TCF20: variants seen among roughly 807,000 people sequenced by gnomAD.
TCF20 encodes transcription factor 20.
A neutral mutation model predicts 148.6 loss-of-function variants in TCF20; 3 were observed. The observed-to-expected ratio is 0.02, with a 90% confidence interval of 0.01 to 0.05. TCF20 has a LOEUF of 0.05. TCF20 is among the 10% of genes least tolerant of loss of function. The pLI, the probability that TCF20 is intolerant of heterozygous loss-of-function variation, is 1.00. For missense variants in TCF20, 2,350 were observed against 2,429.3 expected, an observed-to-expected ratio of 0.97 and a Z score of 0.69; for synonymous variants, 1,049 against 909.5, an observed-to-expected ratio of 1.15 and a Z score of -2.76.
At position 42,209,601 on chromosome 22, in the gene TCF20, A is replaced by G. The variant is rs367731202; in HGVS notation, c.5655+50T>C. On this transcript the variant is annotated intron_variant, in intron 2 of 5. Coordinates refer to ENST00000677622, the MANE Select transcript of TCF20 (RefSeq NM_001378418.1). ...AAGAACAAAAACATGCAAGAAAAGG[A>G]ACCAAATGAAATAAAAATCCCAAGC... The G allele has an allele frequency of 9.1e-6, 14 of 1,532,540 alleles. No individual in the cohort carries two copies. In the African/African-American group the frequency reaches 1.8e-4, roughly 20 times the overall value. 94.9% of individuals were successfully genotyped at this position (1,532,540 alleles called of 1,614,324 possible).
At chr22:42,215,728 C>G (rs1921700364) in intron 1 of TCF20, among the ~76,000 whole-genome samples, 1 of 152,124 alleles carries the variant, frequency 6.6e-6, no homozygotes, top group Non-Finnish European at 1.5e-5. Context: ...ACCTCGGCCT[C>G]CCAAAGTGCT....
chr22:42,320,867 G>A (rs1288287942), intron 1 of TCF20, among the ~76,000 whole-genome samples: 1 of 152,186 alleles, frequency 6.6e-6, no homozygotes, highest in Non-Finnish European at 1.5e-5. Context: ...CCTCTCATGA[G>A]GGACCCACCA....
intron 1 of TCF20, among the ~76,000 whole-genome samples, chr22:42,234,217 AG>A (rs1056408241): frequency 2.6e-5 from 4 of 152,232 alleles, no homozygotes; most frequent in Admixed American, 2.0e-4. Flanking sequence ...AAAATATAGG[AG>A]GGGACAAACA....
At chr22:42,248,152 G>C (rs1331008633) in intron 1 of TCF20, among the ~76,000 whole-genome samples, 1 of 152,240 alleles carries the variant, frequency 6.6e-6, no homozygotes, top group African/African-American at 2.4e-5. Context: ...GGAGAACAGG[G>C]CTGAGGGAGA....
intron 1 of TCF20, among the ~76,000 whole-genome samples, chr22:42,327,869 C>T (rs922218241): frequency 2.6e-5 from 4 of 151,440 alleles, no homozygotes; most frequent in African/African-American, 9.7e-5. Flanking sequence ...GGTTGCCTTC[C>T]CCGGCCTCAA....
At chr22:42,335,717 G>C (rs1356528772) in intron 1 of TCF20, among the ~76,000 whole-genome samples, 1 of 152,172 alleles carries the variant, frequency 6.6e-6, no homozygotes, top group South Asian at 2.1e-4. Context: ...GGACCTCTAA[G>C]TGCAGCTTCT....
chr22:42,161,324 G>A lies in TCF20; in HGVS notation c.*79C>T, dbSNP rs1038410329. The A allele has an allele frequency of 5.6e-6, 9 of 1,613,806 alleles. No individual in the cohort carries two copies. The African/African-American group carries it at 9.3e-5, about 17-fold the overall frequency. ...GGTAGGACGATTTCCATTCCATCAC[G>A]AGTGTCCACCACCTTCTCATCTCCA... On this transcript the variant is annotated 3_prime_UTR_variant, in exon 6 of 6. Transcript: ENST00000677622.
intron 2 of TCF20, among the ~76,000 whole-genome samples, chr22:42,185,602 A>G (rs983331118): frequency 6.6e-6 from 1 of 152,134 alleles, no homozygotes; most frequent in Non-Finnish European, 1.5e-5. Context: ...AATGCCAACT[A>G]CGTGGCAGCT....
At position 42,212,126 on chromosome 22, in the gene TCF20, G is replaced by A; in HGVS notation, c.3180C>T (p.Ala1060=). 1 of 1,614,218 alleles carries A rather than the reference G, an allele frequency of 6.2e-7. No individual in the cohort carries two copies. Among genetic ancestry groups the A allele is most frequent in the Non-Finnish European group, 8.5e-7 (1 of 1,180,038 alleles). ...CCCGAGTATTTGCATGATAAGCAGA[G>A]GCCAGGGTTTCTGAGTTGGGAGAAA... ...TPFSPNSETL[A]SAYHANTRAH... is the part of the protein sequence containing the mutation. Residue 1060 remains alanine (A), a synonymous_variant, in exon 2 of 6, where the codon GCC becomes GCT. Coordinates refer to ENST00000677622, the MANE Select transcript of TCF20 (RefSeq NM_001378418.1).
intron 1 of TCF20, among the ~76,000 whole-genome samples, chr22:42,227,773 A>G (rs537390227): frequency 2.4e-4 from 36 of 152,336 alleles, no homozygotes; most frequent in African/African-American, 8.4e-4. Flanking sequence ...GACCAGACTC[A>G]GGTCATGCTT....
intron 2 of TCF20, among the ~76,000 whole-genome samples, chr22:42,186,098 T>C (rs1382158447): frequency 2.0e-5 from 3 of 152,258 alleles, no homozygotes; most frequent in Non-Finnish European, 2.9e-5. Context: ...GATGTCAGTA[T>C]GAAACATCAG....
intron 1 of TCF20, among the ~76,000 whole-genome samples, chr22:42,291,137 T>G (rs1927125403): frequency 6.6e-6 from 1 of 152,104 alleles, no homozygotes; most frequent in Non-Finnish European, 1.5e-5. Context: ...CTCTGAACAT[T>G]TTAAGGTCCT....
chr22:42,342,998 A>G (rs1928194680), intron 1 of TCF20, among the ~76,000 whole-genome samples: 1 of 152,260 alleles, frequency 6.6e-6, no homozygotes, highest in African/African-American at 2.4e-5. Context: ...AAAAAGAGCA[A>G]GGCTGAAATA....
intron 1 of TCF20, among the ~76,000 whole-genome samples, chr22:42,308,943 G>C (rs1927482952): frequency 6.6e-6 from 1 of 152,164 alleles, no homozygotes; most frequent in African/African-American, 2.4e-5. Context: ...AAACGGGCTG[G>C]GATTGCACAC....
chr22:42,236,642 A>G (rs571569128), intron 1 of TCF20, among the ~76,000 whole-genome samples: 17 of 152,296 alleles, frequency 1.1e-4, no homozygotes, highest in African/African-American at 4.1e-4. Context: ...AAATAAGCCA[A>G]TGGAGAGTCA....
chr22:42,243,237 T>G (rs1382915505), intron 1 of TCF20, among the ~76,000 whole-genome samples: 1 of 139,446 alleles, frequency 7.2e-6, no homozygotes. Flanking sequence ...CAGCTCAAGG[T>G]TACTGCGAGC....
intron 2 of TCF20, among the ~76,000 whole-genome samples, chr22:42,188,997 G>A (rs1406907957): frequency 1.3e-5 from 2 of 152,200 alleles, no homozygotes; most frequent in African/African-American, 2.4e-5. Flanking sequence ...TAAAGAGTGA[G>A]TAAGAGCTAC....
chr22:42,218,473 T>C (rs1922024518), intron 1 of TCF20, among the ~76,000 whole-genome samples: 1 of 152,226 alleles, frequency 6.6e-6, no homozygotes, highest in Non-Finnish European at 1.5e-5. Context: ...GATGTGCTCC[T>C]GCTCTACTCC....
chr22:42,191,887 T>C (rs915074661), intron 2 of TCF20, among the ~76,000 whole-genome samples: 2 of 152,188 alleles, frequency 1.3e-5, no homozygotes, highest in East Asian at 3.9e-4. Flanking sequence ...GCGGCAGCCC[T>C]GTGATGAAGA....
Sources: allele counts gnomAD v4.1 joint callset (sites outside exome capture counted in the v4.1 genomes callset), GRCh38; gene constraint gnomAD v4.1.1; transcripts MANE v1.5; gene names NCBI Gene and HGNC (gene_info 2026-07-23, HGNC 2026-07-21).